PCDHA5: variants seen among roughly 807,000 people sequenced by gnomAD.
The protein encoded by PCDHA5 is protocadherin alpha 5.
A neutral mutation model predicts 61.6 loss-of-function variants in PCDHA5; 43 were observed. That is an observed-to-expected ratio of 0.70 (90% CI 0.55 to 0.90). The LOEUF (loss-of-function observed/expected upper bound fraction) is 0.90. PCDHA5 is among the 40% of genes least tolerant of loss of function. The probability of loss-of-function intolerance (pLI) is 0.00; values close to 1 mark genes in which losing one functional copy is unlikely to be tolerated. For synonymous variants in PCDHA5, 627 were observed against 543.9 expected (o/e 1.15, Z -2.13); for missense variants, 1,298 against 1,222.7 (o/e 1.06, Z -0.92).
chr5:140,841,711 G>T (rs1385576183), intron 1 of PCDHA5: 3 of 1,613,772 alleles, frequency 1.9e-6, no homozygotes, highest in South Asian at 1.1e-5. Context: ...ATGACAACCC[G>T]CCAGTGTTCC....
rs1370566710 is a variant in PCDHA5, at chr5:140,822,872, C to A, written c.1097C>A (p.Thr366Lys). The part of the protein sequence containing the change: ...LPVKEDAPLS[T>K]VIALISVSDR... ...GTCAAAGAGGACGCTCCACTCAGCA[C>A]GGTCATTGCTCTGATCAGCGTGTCT... The change falls in exon 1 of 4, where the codon ACG becomes AAG. Residue 366 changes from threonine (T) to lysine (K), a missense_variant. Coordinates refer to ENST00000529859, the MANE Select transcript of PCDHA5 (RefSeq NM_018908.3). 1.2e-6 allele frequency: 2 copies of A among 1,614,236 alleles called. No homozygotes were observed. The highest frequency in any genetic ancestry group is 1.7e-6 in the Non-Finnish European group (2 of 1,180,046).
intron 1 of PCDHA5, chr5:140,828,105 C>T (rs1554131020): frequency 3.1e-6 from 5 of 1,610,132 alleles, no homozygotes; most frequent in Middle Eastern, 1.7e-4. Context: ...GTGTTTACCC[C>T]GGAGGATAGA....
In PCDHA5 at chr5:140,821,788, C is replaced by A; in HGVS notation, c.13C>A (p.Arg5=). The change falls in exon 1 of 4, where the codon CGG becomes AGG. Residue 5 remains arginine, a synonymous_variant. Coordinates refer to ENST00000529859, the MANE Select transcript of PCDHA5 (RefSeq NM_018908.3). MVYS[R]RGSLGSRLLL... Reference sequence around the variant, plus strand: ...GAACGAGATTGAGATGGTATATTCCCGGAGAGGAAGTCTGGGATCCCGGCT... The same window carrying A: ...GAACGAGATTGAGATGGTATATTCCAGGAGAGGAAGTCTGGGATCCCGGCT... The A allele has an allele frequency of 1.2e-6, 2 of 1,611,448 alleles. No individual in the cohort carries two copies. The highest frequency in any genetic ancestry group is 1.3e-5 in the African/African-American group (1 of 74,994).
At chr5:140,948,018 T>A (rs1308826509) in intron 1 of PCDHA5, among the ~76,000 whole-genome samples, 1 of 151,290 alleles carries the variant, frequency 6.6e-6, no homozygotes, top group Non-Finnish European at 1.5e-5. Context: ...GAAGTACCCT[T>A]TCTGGTTTGC....
chr5:140,933,333 A>G (rs1215342457), intron 1 of PCDHA5, among the ~76,000 whole-genome samples: 1 of 152,032 alleles, frequency 6.6e-6, no homozygotes, highest in Non-Finnish European at 1.5e-5. Flanking sequence ...TGTGCTGTAG[A>G]GAAAGATAAA....
chr5:140,986,280 C>T (rs2097193236), intron 3 of PCDHA5, among the ~76,000 whole-genome samples: 1 of 152,116 alleles, frequency 6.6e-6, no homozygotes, highest in African/African-American at 2.4e-5. Flanking sequence ...TTTCAGCTTC[C>T]CTTGAGACTG....
chr5:140,876,860 T>C (rs2056650252), intron 1 of PCDHA5: 1 of 1,613,918 alleles, frequency 6.2e-7, no homozygotes, highest in African/African-American at 1.3e-5. Context: ...TACACAGTGT[T>C]CGTGAAGGAG....
intron 3 of PCDHA5, among the ~76,000 whole-genome samples, chr5:140,995,648 G>A (rs548703031): frequency 1.3e-5 from 2 of 152,248 alleles, no homozygotes; most frequent in South Asian, 2.1e-4. Flanking sequence ...TAGAAAAGGA[G>A]AATCGAAAAG....
chr5:140,948,986 T>C (rs2094331337), intron 1 of PCDHA5, among the ~76,000 whole-genome samples: 1 of 151,752 alleles, frequency 6.6e-6, no homozygotes, highest in Non-Finnish European at 1.5e-5. Context: ...ACTGCTTTAT[T>C]TGCATTTTAC....
intron 1 of PCDHA5, among the ~76,000 whole-genome samples, chr5:140,977,937 T>C (rs1264352481): frequency 5.3e-5 from 8 of 152,162 alleles, no homozygotes; most frequent in African/African-American, 1.9e-4. Flanking sequence ...TATACCTCAA[T>C]ATTCAGTGAC....
intron 1 of PCDHA5, chr5:140,827,913 C>A: frequency 1.2e-6 from 1 of 854,748 alleles, no homozygotes; most frequent in Non-Finnish European, 1.8e-6. Context: ...CGCATGATGT[C>A]GCTGTCTACC....
At chr5:140,836,080 T>C (rs1470495662) in intron 1 of PCDHA5, 12 of 1,613,584 alleles carry the variant, frequency 7.4e-6, no homozygotes, top group African/African-American at 1.3e-5. Context: ...CCGGCACTGC[T>C]GGCGCCTCGG....
At chr5:140,887,994 C>T (rs1168995086) in intron 1 of PCDHA5, among the ~76,000 whole-genome samples, 1 of 152,016 alleles carries the variant, frequency 6.6e-6, no homozygotes, top group Non-Finnish European at 1.5e-5. Flanking sequence ...ATGTCTCCAC[C>T]GAATAGTCAT....
At chr5:140,829,915 G>A (rs2150177700) in intron 1 of PCDHA5, 2 of 1,613,890 alleles carry the variant, frequency 1.2e-6, no homozygotes, top group Non-Finnish European at 1.7e-6. Context: ...CGTGGCTTTC[G>A]TATGAGCTGC....
chr5:140,823,267 G>T lies in PCDHA5; in HGVS notation c.1492G>T (p.Val498Leu), dbSNP rs1554129226. Reference protein sequence around the residue: ...LVSYSLVERRVGERPLSSYVS... With the variant: ...LVSYSLVERRLGERPLSSYVS... The stretch of plus-strand genomic sequence containing the variant: ...GTCCTACTCGCTGGTGGAGCGGCGG[G>T]TGGGCGAGCGCCCGCTGTCGAGTTA... The change falls in exon 1 of 4, where the codon GTG becomes TTG. Residue 498 changes from valine (V) to leucine (L), a missense_variant. Val to Leu is a conservative substitution (Grantham distance 32, BLOSUM62 1). Transcript: ENST00000529859. 5.0e-6 allele frequency: 8 copies of T among 1,612,742 alleles called. No homozygotes were observed. Among genetic ancestry groups the T allele is most frequent in the South Asian group, 1.1e-5 (1 of 91,032 alleles).
chr5:141,010,124 G>A lies in PCDHA5; in HGVS notation c.*187G>A. ...GGTTTTGTCGTAAAAGCTTTACTAAGTCTGGTGTTAACTCTTTCTCTCCAC... is the reference window on the plus strand; with the variant it reads ...GGTTTTGTCGTAAAAGCTTTACTAAATCTGGTGTTAACTCTTTCTCTCCAC... On this transcript the variant is annotated 3_prime_UTR_variant, in exon 4 of 4. Coordinates refer to ENST00000529859, the MANE Select transcript of PCDHA5 (RefSeq NM_018908.3). The A allele has an allele frequency of 1.2e-6, 2 of 1,605,172 alleles. No homozygotes were observed. The highest frequency in any genetic ancestry group is 1.7e-6 in the Non-Finnish European group (2 of 1,175,146).
At chr5:140,906,403 T>A (rs1583592944) in intron 1 of PCDHA5, among the ~76,000 whole-genome samples, 1 of 152,220 alleles carries the variant, frequency 6.6e-6, no homozygotes, top group East Asian at 1.9e-4. Context: ...AATTTTCATA[T>A]GAAGTCAATA....
At chr5:140,882,732 A>C in intron 1 of PCDHA5, 1 of 1,614,228 alleles carries the variant, frequency 6.2e-7, no homozygotes, top group Non-Finnish European at 8.5e-7. Context: ...TTTCCACTAG[A>C]TGGCGCATCC....
At position 141,010,114 on chromosome 5, in the gene PCDHA5, G is replaced by A. The variant is rs2098416092; in HGVS notation, c.*177G>A. Reference sequence around the variant, plus strand: ...GCATTTAACAGGTTTTGTCGTAAAAGCTTTACTAAGTCTGGTGTTAACTCT... The same window carrying A: ...GCATTTAACAGGTTTTGTCGTAAAAACTTTACTAAGTCTGGTGTTAACTCT... On this transcript the variant is annotated 3_prime_UTR_variant, in exon 4 of 4. Transcript: ENST00000529859. The A allele has an allele frequency of 1.2e-6, 2 of 1,609,716 alleles. No homozygotes were observed. Among genetic ancestry groups the A allele is most frequent in the Non-Finnish European group, 1.7e-6 (2 of 1,177,682 alleles).
Sources: gnomAD v4.1 joint callset for allele counts (sites outside exome capture counted in the v4.1 genomes callset) on GRCh38, gnomAD v4.1.1 for gene constraint, MANE v1.5 for transcripts, NCBI Gene and HGNC (gene_info 2026-07-23, HGNC 2026-07-21) for gene names.